The following IGF2BP3 variants were observed in gnomAD, a reference collection of about 807,000 sequenced individuals.
IGF2BP3 encodes insulin like growth factor 2 mRNA binding protein 3.
In IGF2BP3, 9 loss-of-function variants were observed where a neutral mutation model predicts 73.8. That is an observed-to-expected ratio of 0.12 (90% CI 0.07 to 0.21). IGF2BP3 has a LOEUF of 0.21. IGF2BP3 is among the 10% of genes least tolerant of loss of function. The pLI is 1.00. For missense variants in IGF2BP3, 542 were observed against 714.0 expected, an observed-to-expected ratio of 0.76 and a Z score of 2.75; for synonymous variants, 258 against 256.7, an observed-to-expected ratio of 1.01 and a Z score of -0.05.
Position 23,377,932 on chromosome 7 carries a change from TA to T in IGF2BP3, c.286-16192del, listed in dbSNP as rs376095528. Among the ~76,000 whole-genome samples the T allele has an allele frequency of 1.2e-3, 188 of 152,304 alleles. 1 individual carries two copies. Among genetic ancestry groups the T allele is most frequent in the African/African-American group, 4.3e-3 (177 of 41,564 alleles). ...ACTCAGAAAGTAGATTAGTGGTTTCTAGGGCCTGGGAGGAGACTGGAAGATA... is the reference window on the plus strand; with the variant it reads ...ACTCAGAAAGTAGATTAGTGGTTTCTGGGCCTGGGAGGAGACTGGAAGATA... On this transcript the variant is annotated intron_variant, in intron 3 of 14. Coordinates refer to ENST00000258729, the MANE Select transcript of IGF2BP3 (RefSeq NM_006547.3).
At position 23,311,575 on chromosome 7, in the gene IGF2BP3, TTAAC is replaced by T. The variant is rs1376215958; in HGVS notation, c.*783_*786del. On this transcript the variant is annotated 3_prime_UTR_variant, in exon 15 of 15. Coordinates refer to ENST00000258729, the MANE Select transcript of IGF2BP3 (RefSeq NM_006547.3). The stretch of plus-strand genomic sequence containing the variant: ...TGCTCCGTATTTTTGAACATTTGAT[TTAAC>T]TAATAACTGTGTCAAAAGCCTCAAA... 2.0e-5 allele frequency: 3 copies of T among 152,466 alleles called. No homozygotes were observed. The highest frequency in any genetic ancestry group is 1.9e-4 in the East Asian group (1 of 5,192). The allele number at this position is 152,466 out of a possible 1,614,324, so 9.4% of individuals were successfully genotyped here. A position where few individuals can be genotyped will look rare whatever the true frequency, so the allele number is the denominator to read the frequency against.
chr7:23,400,925 G>A (rs375333551), intron 3 of IGF2BP3, among the ~76,000 whole-genome samples: 5 of 152,112 alleles, frequency 3.3e-5, no homozygotes, highest in African/African-American at 4.8e-5. Context: ...TCAGCCTCCC[G>A]AGTAGCTGGG....
At chr7:23,321,654 T>C (rs981752085) in intron 10 of IGF2BP3, among the ~76,000 whole-genome samples, 2 of 152,346 alleles carry the variant, frequency 1.3e-5, no homozygotes, top group Admixed American at 1.3e-4. Flanking sequence ...CAGTAACCTC[T>C]GCAGACTTAA....
chr7:23,323,343 AG>A, intron 10 of IGF2BP3, among the ~76,000 whole-genome samples: 1 of 146,016 alleles, frequency 6.8e-6, no homozygotes, highest in Non-Finnish European at 1.5e-5. Context: ...ATAATGGTAA[AG>A]GGATCAATTC....
chr7:23,372,934 T>C (rs1434063748), intron 3 of IGF2BP3, among the ~76,000 whole-genome samples: 2 of 152,224 alleles, frequency 1.3e-5, no homozygotes, highest in Non-Finnish European at 1.5e-5. Flanking sequence ...CTTGGACAGA[T>C]AAATGCTGGA....
chr7:23,324,941 T>A (rs1221907516), intron 10 of IGF2BP3, among the ~76,000 whole-genome samples: 1 of 146,798 alleles, frequency 6.8e-6, no homozygotes, highest in Admixed American at 6.8e-5. Flanking sequence ...AAGAGCTATC[T>A]ATGACAAACC....
chr7:23,373,719 T>G (rs1056322366), intron 3 of IGF2BP3, among the ~76,000 whole-genome samples: 6 of 152,164 alleles, frequency 3.9e-5, no homozygotes, highest in Admixed American at 6.5e-5. Flanking sequence ...GTTTGAACAT[T>G]GTGTCTTCTT....
intron 3 of IGF2BP3, among the ~76,000 whole-genome samples, chr7:23,401,383 T>TC (rs923731215): frequency 2.0e-5 from 3 of 152,156 alleles, no homozygotes; most frequent in Non-Finnish European, 2.9e-5. Context: ...CCAGGACCCT[T>TC]CCTGCCTTGT....
chr7:23,315,278 T>C (rs756852995), intron 12 of IGF2BP3, among the ~76,000 whole-genome samples: 1 of 151,944 alleles, frequency 6.6e-6, no homozygotes, highest in African/African-American at 2.4e-5. Flanking sequence ...TGGCTAATTT[T>C]TGTATTTTTA....
In IGF2BP3 at chr7:23,433,162, T is replaced by C. The variant is rs573664241; in HGVS notation, c.237-14338A>G. Among the ~76,000 whole-genome samples the C allele has an allele frequency of 2.6e-5, 4 of 152,308 alleles. No homozygotes were observed. The South Asian group carries it at 8.3e-4, about 32-fold the overall frequency. On this transcript the variant is annotated intron_variant, in intron 2 of 14. Transcript: ENST00000258729. ...CTTGGATATAAAACCTCTAACATGC[T>C]TGAGTAGCACTGAAAATTAATTATT...
chr7:23,342,299 T>C, intron 9 of IGF2BP3, 110 bp from the exon 10 acceptor site: 2 of 1,205,186 alleles, frequency 1.7e-6, no homozygotes, highest in Non-Finnish European at 2.4e-6. Flanking sequence ...AAGAAATGAT[T>C]GTATAACTCA....
At chr7:23,394,954 G>T (rs890817573) in intron 3 of IGF2BP3, among the ~76,000 whole-genome samples, 2 of 152,230 alleles carry the variant, frequency 1.3e-5, no homozygotes, top group African/African-American at 4.8e-5. Flanking sequence ...GAAGTGCACA[G>T]AACATGCTCA....
At chr7:23,370,154 G>A (rs1004005219) in intron 3 of IGF2BP3, among the ~76,000 whole-genome samples, 2 of 152,016 alleles carry the variant, frequency 1.3e-5, no homozygotes, top group Non-Finnish European at 2.9e-5. Context: ...CTCAAAACTG[G>A]GTAAAGTACC....
At chr7:23,355,663 T>C (rs867754300) in intron 5 of IGF2BP3, among the ~76,000 whole-genome samples, 16 of 152,166 alleles carry the variant, frequency 1.1e-4, no homozygotes, top group East Asian at 9.6e-4. Context: ...CCAGGTGCAG[T>C]GGCTCATGCC....
At position 23,445,865 on chromosome 7, in the gene IGF2BP3, A is replaced by C. The variant is rs574882969; in HGVS notation, c.236+22617T>G. ...CAATGCATCATGTATATGAAGAATGACCTTATTTCCACTAGTTGTAAGATA... is the reference window on the plus strand; with the variant it reads ...CAATGCATCATGTATATGAAGAATGCCCTTATTTCCACTAGTTGTAAGATA... On this transcript the variant is annotated intron_variant, in intron 2 of 14. Coordinates refer to ENST00000258729, the MANE Select transcript of IGF2BP3 (RefSeq NM_006547.3). Among the ~76,000 whole-genome samples the C allele has an allele frequency of 2.6e-5, 4 of 152,318 alleles. No individual in the cohort carries two copies. The South Asian group carries it at 8.3e-4, about 32-fold the overall frequency.
chr7:23,337,879 A>G (rs374950087), intron 10 of IGF2BP3, among the ~76,000 whole-genome samples: 14 of 152,266 alleles, frequency 9.2e-5, no homozygotes, highest in East Asian at 7.7e-4. Flanking sequence ...CAATAGTTGG[A>G]GCTTGAGCAG....
At chr7:23,312,587 C>G (rs1390770877) in intron 14 of IGF2BP3, 127 bp from the exon 15 acceptor site, 6 of 888,646 alleles carry the variant, frequency 6.8e-6, no homozygotes, top group African/African-American at 1.7e-5. Context: ...AGTCAGTTTG[C>G]TAGTAGTCTC....
chr7:23,347,959 G>A (rs1036788423), intron 6 of IGF2BP3: 1 of 501,140 alleles, frequency 2.0e-6, no homozygotes, highest in Non-Finnish European at 3.5e-6. Context: ...AACCAAGCGG[G>A]GACATCTTTT....
chr7:23,401,055 C>T (rs1459676235), intron 3 of IGF2BP3, among the ~76,000 whole-genome samples: 2 of 152,164 alleles, frequency 1.3e-5, no homozygotes, highest in Non-Finnish European at 2.9e-5. Flanking sequence ...CCTGCCTCCC[C>T]CAAAGTGCTG....
Sources: allele counts gnomAD v4.1 joint callset (sites outside exome capture counted in the v4.1 genomes callset), GRCh38; gene constraint gnomAD v4.1.1; transcripts MANE v1.5; gene names NCBI Gene and HGNC (gene_info 2026-07-23, HGNC 2026-07-21).